The following NAA15 variants were observed in gnomAD, a reference collection of about 807,000 sequenced individuals.
NAA15 encodes the protein N-alpha-acetyltransferase 15, NatA auxiliary subunit, also known as N-terminal acetyltransferase.
Under a neutral mutation model 114.0 loss-of-function variants are expected in NAA15, and 34 were observed. The observed-to-expected ratio is 0.30, with a 90% CI of 0.23 to 0.40. The LOEUF (loss-of-function observed/expected upper bound fraction) is 0.40, where lower values mean the gene tolerates loss of function less well. NAA15 is among the 10% of genes least tolerant of loss of function. The probability of loss-of-function intolerance (pLI) is 1.00; values close to 1 mark genes in which losing one functional copy is unlikely to be tolerated. For synonymous variants in NAA15, 340 were observed against 338.0 expected (o/e 1.01, Z -0.06); for missense variants, 658 against 1,004.5 (o/e 0.66, Z 4.66).
Position 139,390,420 on chromosome 4 carries a change from C to T in NAA15, c.*2336C>T, listed in dbSNP as rs1008544589. The stretch of plus-strand genomic sequence containing the variant: ...TTGCTCTGAGTAGTATCAACTGGAT[C>T]GTCTCATATTTGCCTCATTCATCCT... On this transcript the variant is annotated 3_prime_UTR_variant, in exon 20 of 20. Coordinates refer to ENST00000296543, the MANE Select transcript of NAA15 (RefSeq NM_057175.5). The T allele has an allele frequency of 6.6e-6, 1 of 152,516 alleles. No homozygotes were observed. Among genetic ancestry groups the T allele is most frequent in the Non-Finnish European group, 1.5e-5 (1 of 68,022 alleles). The allele number at this position is 152,516 out of a possible 1,614,324, so 9.4% of individuals were successfully genotyped here.
At chr4:139,337,114 A>G (rs1747224316) in intron 3 of NAA15, among the ~76,000 whole-genome samples, 162 bp downstream of exon 3, 1 of 152,228 alleles carries the variant, frequency 6.6e-6, no homozygotes, top group Non-Finnish European at 1.5e-5. Flanking sequence ...ACATTTTTAT[A>G]TACCTAACCA....
chr4:139,315,051 G>GTTAGT lies in NAA15; in HGVS notation c.54+13243_54+13247dup, dbSNP rs770420396. On this transcript the variant is annotated intron_variant, in intron 1 of 19. Transcript: ENST00000296543. The stretch of plus-strand genomic sequence containing the variant: ...GTTAGGTTAGGTTAGGTTAGGTTAG[G>GTTAGT]TTAGTTTAGTTTAGTTTAGTTTAGT... Among the ~76,000 whole-genome samples the GTTAGT allele has an allele frequency of 1.2e-3, 138 of 112,448 alleles. 8 individuals carry two copies. Among genetic ancestry groups the GTTAGT allele is most frequent in the East Asian group, 2.9e-3 (12 of 4,116 alleles). The allele number at this position is 112,448 out of a possible 152,430, so 73.8% of individuals were successfully genotyped here. A position where few individuals can be genotyped will look rare whatever the true frequency, so the allele number is the denominator to read the frequency against.
chr4:139,306,716 C>G (rs1746034109), intron 1 of NAA15, among the ~76,000 whole-genome samples: 2 of 151,210 alleles, frequency 1.3e-5, no homozygotes, highest in Admixed American at 1.3e-4. Context: ...ATTTGTTTAT[C>G]TAAAAGTTTG....
Position 139,353,293 on chromosome 4 carries a change from G to C in NAA15, c.1015-733G>C, listed in dbSNP as rs150962962. On this transcript the variant is annotated intron_variant, in intron 9 of 19. Coordinates refer to ENST00000296543, the MANE Select transcript of NAA15 (RefSeq NM_057175.5). ...GCTCAGCTTGTAGGAGGGAACATGG[G>C]TGCACCAGAATAACCTAGCTGCAAT... Among the ~76,000 whole-genome samples the C allele has an allele frequency of 3.9e-5, 6 of 152,240 alleles. No homozygotes were observed. The East Asian group carries it at 1.2e-3, about 29-fold the overall frequency.
intron 1 of NAA15, among the ~76,000 whole-genome samples, chr4:139,329,074 G>C (rs1401193596): frequency 1.3e-5 from 2 of 150,344 alleles, no homozygotes; most frequent in Non-Finnish European, 3.0e-5. Flanking sequence ...TAGAGACAAG[G>C]TTTTGCCATG....
At chr4:139,349,719 T>A in intron 7 of NAA15, 138 bp downstream of exon 7, 1 of 884,324 alleles carries the variant, frequency 1.1e-6, no homozygotes, top group Non-Finnish European at 1.7e-6. Flanking sequence ...GCGCAGTGGC[T>A]CGTGCCTGTA....
At chr4:139,379,990 A>G (rs1013774507) in intron 17 of NAA15, among the ~76,000 whole-genome samples, 1 of 152,222 alleles carries the variant, frequency 6.6e-6, no homozygotes, top group East Asian at 1.9e-4. Context: ...GGTTGCAGTG[A>G]GCCGAGATCA....
At chr4:139,358,199 T>TA (rs1039107733) in intron 11 of NAA15, among the ~76,000 whole-genome samples, 13 of 151,592 alleles carry the variant, frequency 8.6e-5, no homozygotes, top group African/African-American at 3.1e-4. Context: ...TTGTTTTTTT[T>TA]TTTTTGAGAG....
intron 1 of NAA15, among the ~76,000 whole-genome samples, chr4:139,314,377 C>G (rs1746312697): frequency 6.6e-6 from 1 of 151,840 alleles, no homozygotes; most frequent in African/African-American, 2.4e-5. Context: ...AGATGAAATT[C>G]ATAGAAGCAA....
At chr4:139,319,872 A>G (rs1229848437) in intron 1 of NAA15, among the ~76,000 whole-genome samples, 1 of 152,212 alleles carries the variant, frequency 6.6e-6, no homozygotes, top group Non-Finnish European at 1.5e-5. Context: ...ACAGGTTCCT[A>G]AAGCTCTGTT....
intron 1 of NAA15, among the ~76,000 whole-genome samples, chr4:139,325,047 T>C (rs1746747724): frequency 6.6e-6 from 1 of 152,204 alleles, no homozygotes; most frequent in African/African-American, 2.4e-5. Flanking sequence ...TAAAACTCAG[T>C]TACTGTTCTA....
At chr4:139,319,282 A>C (rs1416637472) in intron 1 of NAA15, among the ~76,000 whole-genome samples, 7 of 151,648 alleles carry the variant, frequency 4.6e-5, no homozygotes, top group African/African-American at 1.5e-4. Context: ...TAAATTTTGT[A>C]TTTCTAGTAG....
intron 13 of NAA15, among the ~76,000 whole-genome samples, chr4:139,361,042 A>G (rs929973829): frequency 2.6e-5 from 4 of 152,176 alleles, no homozygotes; most frequent in Non-Finnish European, 5.9e-5. Context: ...TCTGTAGCTT[A>G]TCTAATTTCA....
At chr4:139,345,132 C>T (rs1012116325) in intron 6 of NAA15, among the ~76,000 whole-genome samples, 3 of 152,208 alleles carry the variant, frequency 2.0e-5, no homozygotes, top group Admixed American at 1.3e-4. Context: ...TAATATACAT[C>T]CATGTGCATA....
chr4:139,318,943 C>G (rs1746507947), intron 1 of NAA15, among the ~76,000 whole-genome samples: 1 of 152,060 alleles, frequency 6.6e-6, no homozygotes, highest in Non-Finnish European at 1.5e-5. Flanking sequence ...TCTTACAGAG[C>G]TATAATCCCT....
intron 1 of NAA15, among the ~76,000 whole-genome samples, chr4:139,315,994 T>G (rs1746400471): frequency 6.6e-6 from 1 of 151,774 alleles, no homozygotes; most frequent in Non-Finnish European, 1.5e-5. Context: ...TCTGTCTCTT[T>G]TCCTGTGATT....
chr4:139,322,621 T>A (rs1746656054), intron 1 of NAA15, among the ~76,000 whole-genome samples: 1 of 152,206 alleles, frequency 6.6e-6, no homozygotes, highest in African/African-American at 2.4e-5. Context: ...ACTTGGTAAT[T>A]GTTCTTTGCC....
intron 2 of NAA15, among the ~76,000 whole-genome samples, chr4:139,336,360 T>A (rs1747200271): frequency 6.6e-6 from 1 of 152,098 alleles, no homozygotes; most frequent in Non-Finnish European, 1.5e-5. Flanking sequence ...TTAATAGTAA[T>A]CTCAAATAAT....
chr4:139,307,552 C>T (rs1318966944), intron 1 of NAA15, among the ~76,000 whole-genome samples: 2 of 152,252 alleles, frequency 1.3e-5, no homozygotes, highest in African/African-American at 4.8e-5. Flanking sequence ...CAGATGTGAG[C>T]TACTGTGCCT....
Sources: allele counts gnomAD v4.1 joint callset (sites outside exome capture counted in the v4.1 genomes callset), GRCh38; gene constraint gnomAD v4.1.1; transcripts MANE v1.5; gene names NCBI Gene and HGNC (gene_info 2026-07-23, HGNC 2026-07-21).